MYB: variants seen among roughly 807,000 people sequenced by gnomAD.
MYB encodes the protein MYB proto-oncogene, transcription factor.
A neutral mutation model predicts 92.9 loss-of-function variants in MYB; 28 were observed. The ratio of observed to expected loss-of-function variants is 0.30; its 90% confidence interval spans 0.22 to 0.41. MYB has a LOEUF of 0.41. Ranked by LOEUF, MYB falls within the 10% of genes least tolerant of loss-of-function variation. MYB has a pLI of 1.00. For missense variants in MYB, 679 were observed against 929.3 expected (o/e 0.73, Z 3.50); for synonymous variants, 295 against 329.1 (o/e 0.90, Z 1.12).
chr6:135,198,414 C>A (rs979765700), intron 10 of MYB, among the ~76,000 whole-genome samples: 5 of 152,122 alleles, frequency 3.3e-5, no homozygotes, highest in African/African-American at 9.7e-5. Flanking sequence ...TTAAGGAACA[C>A]CTAGTTTTTT....
intron 15 of MYB, among the ~76,000 whole-genome samples, chr6:135,205,967 A>G (rs1201727932): frequency 1.3e-5 from 2 of 152,062 alleles, no homozygotes; most frequent in Non-Finnish European, 2.9e-5. Context: ...GCACTTTTGG[A>G]GGCCGAGGTG....
Position 135,195,864 on chromosome 6 carries a change from A to C in MYB, c.1065A>C (p.Pro355=). 4 of 1,614,102 alleles carry C rather than the reference A, an allele frequency of 2.5e-6. No homozygotes were observed. Among genetic ancestry groups the C allele is most frequent in the Non-Finnish European group, 3.4e-6 (4 of 1,180,018 alleles). ...VSCLGEHHST[P]SLPADPGSLP... is the part of the protein sequence containing the mutation. Reference sequence around the variant, plus strand: ...GTTTGGGAGAACACCACTCCACTCCATCTCTGCCAGCGGATCCTGGCTCCC... The same window carrying C: ...GTTTGGGAGAACACCACTCCACTCCCTCTCTGCCAGCGGATCCTGGCTCCC... The change falls in exon 9 of 16, where the codon CCA becomes CCC. Residue 355 remains proline, a synonymous_variant. Transcript: ENST00000341911.
chr6:135,191,796 T>G (rs1240161232), intron 5 of MYB, among the ~76,000 whole-genome samples: 1 of 152,202 alleles, frequency 6.6e-6, no homozygotes, highest in East Asian at 1.9e-4. Flanking sequence ...AGAAAACAAT[T>G]GGGGTGGCTT....
intron 6 of MYB, among the ~76,000 whole-genome samples, chr6:135,192,857 C>T (rs945423094): frequency 6.6e-6 from 1 of 152,144 alleles, no homozygotes; most frequent in Non-Finnish European, 1.5e-5. Context: ...AATTTGAAGG[C>T]AACCTTTGAA....
In MYB at chr6:135,182,533, C is replaced by A. The variant is rs532762373; in HGVS notation, c.23+997C>A. On this transcript the variant is annotated intron_variant, in intron 1 of 15. Coordinates refer to ENST00000341911, the MANE Select transcript of MYB (RefSeq NM_001130173.2). This position sits in a 1 kb window ranked among gnomAD's most constrained non-coding sequence, Gnocchi z 5.6. ...GATCCCCGCGGGCTCTGCCCCCAGG[C>A]GAAAGGTCCCTGCGCGGCGCGCACA... Among the ~76,000 whole-genome samples, 10 of 152,254 alleles carry A rather than the reference C, an allele frequency of 6.6e-5. No homozygotes were observed. The highest frequency in any genetic ancestry group is 2.1e-4 in the South Asian group (1 of 4,828).
chr6:135,206,423 C>T (rs533314289), intron 15 of MYB, among the ~76,000 whole-genome samples: 7 of 151,536 alleles, frequency 4.6e-5, no homozygotes, highest in Admixed American at 3.3e-4. Flanking sequence ...TAAGGCCAGC[C>T]GTGGTGGCTC....
intron 1 of MYB, among the ~76,000 whole-genome samples, chr6:135,183,638 A>G (rs1775483428): frequency 6.6e-6 from 1 of 152,188 alleles, no homozygotes; most frequent in Admixed American, 6.5e-5. Context: ...ATCGCATGCA[A>G]AGTTCAAAGG....
rs1280311932 is a variant in MYB, at chr6:135,181,837, G to A, written c.23+301G>A. 1.3e-5 allele frequency among the ~76,000 whole-genome samples: 2 copies of A among 152,266 alleles called. No individual in the cohort carries two copies. Among genetic ancestry groups the A allele is most frequent in the East Asian group, 1.9e-4 (1 of 5,196 alleles). ...AAAGCACGTTCCAGCCGAGGGCAGA[G>A]CGGTGCCCACCAGCCCCGGGGAGCC... On this transcript the variant is annotated intron_variant, in intron 1 of 15. Transcript: ENST00000341911. This position sits in a 1 kb window ranked among gnomAD's most constrained non-coding sequence, Gnocchi z 5.3.
chr6:135,215,515 C>T (rs772721687), intron 15 of MYB, among the ~76,000 whole-genome samples: 3 of 152,136 alleles, frequency 2.0e-5, no homozygotes, highest in Non-Finnish European at 2.9e-5. Flanking sequence ...AAAATGGATG[C>T]AGTGAATGGT....
chr6:135,197,674 C>T (rs1777518502), intron 10 of MYB, among the ~76,000 whole-genome samples: 1 of 152,116 alleles, frequency 6.6e-6, no homozygotes, highest in Non-Finnish European at 1.5e-5. Flanking sequence ...TCATTTCTTC[C>T]TCGTTGTTCA....
intron 15 of MYB, among the ~76,000 whole-genome samples, chr6:135,212,224 C>CTTTTGTTTT (rs1779809670): frequency 3.0e-5 from 1 of 32,882 alleles, no homozygotes; most frequent in Non-Finnish European, 5.3e-5. Context: ...TTTGGTTTTA[C>CTTTTGTTTT]TTTTTTTTTT....
At chr6:135,215,865 C>T (rs900150080) in intron 15 of MYB, among the ~76,000 whole-genome samples, 16 of 152,178 alleles carry the variant, frequency 1.1e-4, no homozygotes, top group South Asian at 2.1e-4. Context: ...CCTGCGCACA[C>T]GGCCTGTTAT....
chr6:135,192,439 CAGA>C lies in MYB; in HGVS notation c.648_650del (p.Lys216del), dbSNP rs1179980031. 3 of 1,614,114 alleles carry C rather than the reference CAGA, an allele frequency of 1.9e-6. No individual in the cohort carries two copies. The highest frequency in any genetic ancestry group is 2.5e-6 in the Non-Finnish European group (3 of 1,180,042). The stretch of plus-strand genomic sequence containing the variant: ...CCAGCCAGCAGTGGCCACAAGCTTC[CAGA>C]AGAACAGTCATTTGATGGGTTTTGC... On this transcript the variant is annotated inframe_deletion, in exon 6 of 16. Transcript: ENST00000341911.
intron 3 of MYB, among the ~76,000 whole-genome samples, chr6:135,188,694 G>A (rs1776263732): frequency 6.6e-6 from 1 of 151,830 alleles, no homozygotes; most frequent in Non-Finnish European, 1.5e-5. Flanking sequence ...ATTTTTAGTA[G>A]AGACAAGGTT....
chr6:135,210,886 C>T (rs1174538321), intron 15 of MYB, among the ~76,000 whole-genome samples: 1 of 152,156 alleles, frequency 6.6e-6, no homozygotes, highest in African/African-American at 2.4e-5. Flanking sequence ...AAGGAGCCCT[C>T]ACCAAAGGCC....
At chr6:135,202,859 G>GTACCAATATA in intron 14 of MYB, 1 of 491,834 alleles carries the variant, frequency 2.0e-6, no homozygotes, top group South Asian at 1.6e-5. Flanking sequence ...TGATAGTTCT[G>GTACCAATATA]TACCAATATA....
intron 2 of MYB, among the ~76,000 whole-genome samples, chr6:135,187,322 T>A (rs779417940): frequency 6.6e-6 from 1 of 152,228 alleles, no homozygotes; most frequent in African/African-American, 2.4e-5. Context: ...TTAAACTAAC[T>A]GGAAATATTC....
chr6:135,202,445 T>C (rs7744765), intron 14 of MYB: 70,743 of 154,712 alleles, frequency 0.46, 16,994 homozygotes, highest in African/African-American at 0.62. Flanking sequence ...TTCGGCTCAC[T>C]GCAACCTCTG....
At chr6:135,186,848 A>G (rs1775982022) in intron 2 of MYB, among the ~76,000 whole-genome samples, 1 of 152,258 alleles carries the variant, frequency 6.6e-6, no homozygotes, top group South Asian at 2.1e-4. Context: ...AAATTTTTGC[A>G]ACTAATTTTA....
Sources: gnomAD v4.1 joint callset for allele counts (sites outside exome capture counted in the v4.1 genomes callset) on GRCh38, gnomAD v4.1.1 for gene constraint, Gnocchi (gnomAD v3.1) non-coding constraint, MANE v1.5 for transcripts, NCBI Gene and HGNC (gene_info 2026-07-23, HGNC 2026-07-21) for gene names.